The following PDE7A variants were observed in gnomAD, a reference collection of about 807,000 sequenced individuals.
PDE7A encodes the protein phosphodiesterase 7A, also known as high affinity 3',5'-cyclic-AMP phosphodiesterase 7A.
A neutral mutation model predicts 64.3 loss-of-function variants in PDE7A; 39 were observed. That is an observed-to-expected ratio of 0.61 (90% confidence interval 0.47 to 0.79). The LOEUF (loss-of-function observed/expected upper bound fraction) is 0.79. PDE7A is among the 30% of genes least tolerant of loss of function. The probability of loss-of-function intolerance (pLI) is 0.00; values close to 1 mark genes in which losing one functional copy is unlikely to be tolerated. For missense variants in PDE7A, 470 were observed against 582.8 expected (o/e 0.81, Z 1.99); for synonymous variants, 203 against 206.8 (o/e 0.98, Z 0.16).
At position 65,841,452 on chromosome 8, in the gene PDE7A, G is replaced by C; in HGVS notation, c.57C>G (p.His19Gln). Residue 19 changes from histidine to glutamine, a missense_variant, in exon 1 of 13, where the codon CAC becomes CAG. Coordinates refer to ENST00000401827, the MANE Select transcript of PDE7A (RefSeq NM_001242318.3). ...TGATGGCTCCTCGGCGGCTGAGGAC[G>C]TGCTGGGGGACCGGCCTGTCCAGGG... is the stretch of plus-strand genomic sequence containing the variant. Reference protein sequence around the residue: ...VLPLDRPVPQHVLSRRGAISF... With the variant: ...VLPLDRPVPQQVLSRRGAISF... 6.4e-7 allele frequency: 1 copy of C among 1,565,362 alleles called. No individual in the cohort carries two copies. Among genetic ancestry groups the C allele is most frequent in the Non-Finnish European group, 8.6e-7 (1 of 1,160,232 alleles).
chr8:65,749,094 T>C (rs1807814133), intron 3 of PDE7A, among the ~76,000 whole-genome samples: 1 of 152,210 alleles, frequency 6.6e-6, no homozygotes, highest in Non-Finnish European at 1.5e-5. Context: ...ACACTGCCCC[T>C]ATCTTGAAGA....
In PDE7A at chr8:65,800,410, C is replaced by T. The variant is rs184773499; in HGVS notation, c.139-17567G>A. ...AGCCCCTGCTTCAAGATATCTCAAC[C>T]TTTTAAACTTAAACCAATGTGTAAT... is the stretch of plus-strand genomic sequence containing the variant. On this transcript the variant is annotated intron_variant, in intron 1 of 12. Coordinates refer to ENST00000401827, the MANE Select transcript of PDE7A (RefSeq NM_001242318.3). Among the ~76,000 whole-genome samples, 133 of 152,314 alleles carry T rather than the reference C, an allele frequency of 8.7e-4. 1 individual carries two copies. Among genetic ancestry groups the T allele is most frequent in the Admixed American group, 3.2e-3 (49 of 15,296 alleles).
chr8:65,813,753 T>C (rs1810311419), intron 1 of PDE7A, among the ~76,000 whole-genome samples: 1 of 152,184 alleles, frequency 6.6e-6, no homozygotes, highest in South Asian at 2.1e-4. Context: ...AAAGAAGATA[T>C]TCTTGCAAAA....
chr8:65,751,264 A>G (rs552713150), intron 3 of PDE7A, among the ~76,000 whole-genome samples: 1 of 152,364 alleles, frequency 6.6e-6, no homozygotes, highest in East Asian at 1.9e-4. Context: ...ATAGAGGACC[A>G]GAACTTTCGG....
chr8:65,755,024 ATTT>A (rs113923652), intron 3 of PDE7A, among the ~76,000 whole-genome samples: 2 of 136,810 alleles, frequency 1.5e-5, no homozygotes, highest in Non-Finnish European at 1.6e-5. Context: ...TTTTTCACTT[ATTT>A]TTTTTTTTTT....
chr8:65,776,582 G>A lies in PDE7A; in HGVS notation c.283+3138C>T, dbSNP rs572098953. On this transcript the variant is annotated intron_variant, in intron 3 of 12. Transcript: ENST00000401827. ...TTTAAGTTATCTTTAATTTTTCTAT[G>A]TAATCACTTACAGTTTTCTATGTAG... Among the ~76,000 whole-genome samples the A allele has an allele frequency of 9.9e-5, 15 of 152,096 alleles. No individual in the cohort carries two copies. The East Asian group carries it at 2.1e-3, about 22-fold the overall frequency.
At position 65,839,223 on chromosome 8, in the gene PDE7A, T is replaced by TTTA. The variant is rs139030754; in HGVS notation, c.138+2147_138+2148insTAA. On this transcript the variant is annotated intron_variant, in intron 1 of 12. Transcript: ENST00000401827. ...ACTATTTTACTTAATGTCTTTTTTTTAAAAAAAAAAGGGTTTTTTTTCCTA... is the reference window on the plus strand; with the variant it reads ...ACTATTTTACTTAATGTCTTTTTTTTTTAAAAAAAAAAAGGGTTTTTTTTCCTA... Among the ~76,000 whole-genome samples the TTTA allele has an allele frequency of 4.4e-3, 661 of 149,720 alleles. 5 individuals are homozygous for TTTA. The highest frequency in any genetic ancestry group is 0.015 in the African/African-American group (633 of 41,004).
intron 1 of PDE7A, among the ~76,000 whole-genome samples, chr8:65,798,207 T>TATATATATATATATATA (rs552708184): frequency 2.6e-4 from 4 of 15,462 alleles, no homozygotes; most frequent in Admixed American, 1.4e-3. Flanking sequence ...TATATATATA[T>TATATATATATATATATA]TTTTTTTTTT....
intron 1 of PDE7A, among the ~76,000 whole-genome samples, chr8:65,811,103 C>T (rs1810250513): frequency 6.6e-6 from 1 of 152,030 alleles, no homozygotes; most frequent in Admixed American, 6.6e-5. Context: ...TAGGAACATT[C>T]AGTGCTAGCG....
intron 1 of PDE7A, among the ~76,000 whole-genome samples, chr8:65,814,939 G>A (rs949249855): frequency 2.0e-5 from 3 of 152,028 alleles, no homozygotes; most frequent in African/African-American, 7.3e-5. Context: ...AAATTAGCTG[G>A]GCATGGTGGT....
chr8:65,791,353 T>C (rs1809696947), intron 1 of PDE7A, among the ~76,000 whole-genome samples: 2 of 152,186 alleles, frequency 1.3e-5, no homozygotes, highest in Non-Finnish European at 2.9e-5. Flanking sequence ...AGGTAAGTGG[T>C]ATCTATAAAC....
In PDE7A at chr8:65,741,699, A is replaced by G. The variant is rs570199973; in HGVS notation, c.500-2102T>C. Among the ~76,000 whole-genome samples the G allele has an allele frequency of 1.0e-4, 16 of 152,382 alleles. No homozygotes were observed. The South Asian group carries it at 2.1e-3, about 20-fold the overall frequency. On this transcript the variant is annotated intron_variant, in intron 5 of 12. Transcript: ENST00000401827. ...TGGAGCCATTTCTGAAGAAGTGAAC[A>G]ACGTGTCTGTTGCTATTGCTGTAAC...
At chr8:65,837,004 G>A (rs1810965550) in intron 1 of PDE7A, among the ~76,000 whole-genome samples, 1 of 152,162 alleles carries the variant, frequency 6.6e-6, no homozygotes. Context: ...GGCTAATCCT[G>A]ATTTAAACCA....
At chr8:65,761,120 C>T (rs1047661652) in intron 3 of PDE7A, among the ~76,000 whole-genome samples, 1 of 151,264 alleles carries the variant, frequency 6.6e-6, no homozygotes, top group African/African-American at 2.4e-5. Context: ...AGTGCAGTGG[C>T]GCAATCTCAG....
chr8:65,746,543 C>A (rs150178324), intron 4 of PDE7A, among the ~76,000 whole-genome samples: 127 of 152,176 alleles, frequency 8.3e-4, no homozygotes, highest in African/African-American at 2.9e-3. Context: ...GCCCTAAAAA[C>A]CAAATATTTT....
In PDE7A at chr8:65,716,687, A is replaced by C. The variant is rs911674969; in HGVS notation, c.*2603T>G. On this transcript the variant is annotated 3_prime_UTR_variant, in exon 13 of 13. Transcript: ENST00000401827. ...TACATTTCTCACTGTAAATTAAAAT[A>C]TTGATAGTGTTTTAAAAAAATAGTT... 1.3e-5 allele frequency among the ~76,000 whole-genome samples: 2 copies of C among 152,200 alleles called. No individual in the cohort carries two copies. The highest frequency in any genetic ancestry group is 2.4e-5 in the African/African-American group (1 of 41,450).
intron 3 of PDE7A, among the ~76,000 whole-genome samples, chr8:65,758,252 C>T (rs76251217): frequency 0.093 from 14,193 of 152,118 alleles, 818 homozygotes; most frequent in Non-Finnish European, 0.13. Flanking sequence ...GAAGGCACAA[C>T]CCACCCCCAT....
intron 3 of PDE7A, among the ~76,000 whole-genome samples, chr8:65,768,836 A>G (rs1808929720): frequency 6.6e-6 from 1 of 152,216 alleles, no homozygotes; most frequent in South Asian, 2.1e-4. Flanking sequence ...AGAATAATAG[A>G]TAATAAAAGA....
In PDE7A at chr8:65,717,478, TC is replaced by T. The variant is rs2129062379; in HGVS notation, c.*1811del. 6.6e-6 allele frequency: 1 copy of T among 152,318 alleles called. No individual in the cohort carries two copies. Among genetic ancestry groups the T allele is most frequent in the Non-Finnish European group, 1.5e-5 (1 of 68,022 alleles). The allele number at this position is 152,318 out of a possible 1,614,324, so 9.4% of individuals were successfully genotyped here. A position where few individuals can be genotyped will look rare whatever the true frequency, so the allele number is the denominator to read the frequency against. On this transcript the variant is annotated 3_prime_UTR_variant, in exon 13 of 13. Transcript: ENST00000401827. ...AAAGGCCTGGCTCAAAGCTGACCTC[TC>T]CCCTGTGTTAGTCAGGACTCCAACA...
Sources: allele counts gnomAD v4.1 joint callset (sites outside exome capture counted in the v4.1 genomes callset), GRCh38; gene constraint gnomAD v4.1.1; transcripts MANE v1.5; gene names NCBI Gene and HGNC (gene_info 2026-07-23, HGNC 2026-07-21).